Variants in WIPF1 observed in about 807,000 individuals in gnomAD.
WIPF1 encodes WAS/WASL interacting protein family member 1, also known as WAS/WASL-interacting protein family member 1.
In WIPF1, 13 loss-of-function variants were observed where a neutral mutation model predicts 35.4. The observed-to-expected ratio is 0.37, with a 90% confidence interval of 0.24 to 0.58. The LOEUF (loss-of-function observed/expected upper bound fraction) is 0.58. Among genes scored for constraint, WIPF1 ranks in the 20% least tolerant of loss-of-function variants. The pLI is 0.74. For synonymous variants in WIPF1, 267 were observed against 266.3 expected, an observed-to-expected ratio of 1.00 and a Z score of -0.02; for missense variants, 591 against 667.0, an observed-to-expected ratio of 0.89 and a Z score of 1.25.
chr2:174,673,834 A>AAG (rs1452477318), intron 1 of WIPF1: 1 of 151,852 alleles, frequency 6.6e-6, no homozygotes, highest in Non-Finnish European at 1.5e-5. Context: ...TAAAAAAAAA[A>AAG]AAAAAGAGTA....
intron 1 of WIPF1, among the ~76,000 whole-genome samples, chr2:174,662,116 C>T (rs1237328084): frequency 2.0e-5 from 3 of 152,152 alleles, no homozygotes; most frequent in Non-Finnish European, 4.4e-5. Context: ...GTTCAAGTCC[C>T]TTATATGAAA....
rs545532267 is a variant in WIPF1, at chr2:174,562,701, C to T, written c.1457-99G>A. On this transcript the variant is annotated intron_variant, in intron 7 of 7. Coordinates refer to ENST00000679041, the MANE Select transcript of WIPF1 (RefSeq NM_001375834.1). ...TTGCACGGGTACCCACTACCTCATC[C>T]CTATGACCAGGGCTGTCAGCTAACT... is the stretch of plus-strand genomic sequence containing the variant. 9.3e-5 allele frequency: 138 copies of T among 1,487,854 alleles called. 2 individuals are homozygous for T. The South Asian group carries it at 1.6e-3, about 17-fold the overall frequency. 92.2% of individuals were successfully genotyped at this position (1,487,854 alleles called of 1,614,324 possible).
At chr2:174,595,746 A>G (rs1685802801) in intron 1 of WIPF1, among the ~76,000 whole-genome samples, 1 of 152,216 alleles carries the variant, frequency 6.6e-6, no homozygotes, top group African/African-American at 2.4e-5. Context: ...ATTTCTCAGA[A>G]AAGCATACTG....
Position 174,575,088 on chromosome 2 carries a change from A to G in WIPF1, c.358+116T>C, listed in dbSNP as rs1360731116. ...CTCTTATAAAACAGTGGTAATATTT[A>G]AAACAATGTACAATATTTTAATAAG... On this transcript the variant is annotated intron_variant, in intron 4 of 7. Coordinates refer to ENST00000679041, the MANE Select transcript of WIPF1 (RefSeq NM_001375834.1). 4 of 1,162,566 alleles carry G rather than the reference A, an allele frequency of 3.4e-6. No homozygotes were observed. In the East Asian group the frequency reaches 9.3e-5, roughly 27 times the overall value. The allele number at this position is 1,162,566 out of a possible 1,614,324, so 72.0% of individuals were successfully genotyped here. A position where few individuals can be genotyped will look rare whatever the true frequency, so the allele number is the denominator to read the frequency against.
intron 5 of WIPF1, among the ~76,000 whole-genome samples, chr2:174,568,371 C>G (rs776110157): frequency 6.6e-6 from 1 of 152,042 alleles, no homozygotes; most frequent in Non-Finnish European, 1.5e-5. Context: ...TCTGTTTACA[C>G]GGACAACCGT....
rs373043385 is a variant in WIPF1 at position 174,581,391 on chromosome 2, T to C, written c.100A>G (p.Asn34Asp). The change falls in exon 3 of 8, where the codon AAT becomes GAT. Residue 34 changes from asparagine (N) to aspartate (D), a missense_variant. Physicochemically the swap from Asn to Asp is conservative, Grantham distance 23. This residue lies in a region of WIPF1 where 471 missense variants were observed against 501.1 expected (regional missense o/e 0.94). Coordinates refer to ENST00000679041, the MANE Select transcript of WIPF1 (RefSeq NM_001375834.1). ...TTGCTGATATCAGAAAGGAGAGCAT[T>C]TCTCCCAGCCTGCTCTGTCTTATTC... Reference protein sequence around the residue: ...TLNKTEQAGRNALLSDISKGK... With the variant: ...TLNKTEQAGRDALLSDISKGK... 1.3e-5 allele frequency: 21 copies of C among 1,613,980 alleles called. No individual in the cohort carries two copies. The highest frequency in any genetic ancestry group is 1.7e-5 in the Non-Finnish European group (20 of 1,180,008).
At chr2:174,653,756 A>G (rs1484891941) in intron 1 of WIPF1, among the ~76,000 whole-genome samples, 3 of 151,670 alleles carry the variant, frequency 2.0e-5, no homozygotes, top group African/African-American at 4.8e-5. Context: ...AAAAAAAAAA[A>G]AAAAAAGAAA....
intron 1 of WIPF1, among the ~76,000 whole-genome samples, chr2:174,591,935 C>T (rs758158960): frequency 6.6e-6 from 1 of 152,146 alleles, no homozygotes; most frequent in Non-Finnish European, 1.5e-5. Context: ...ACTGCTCAGC[C>T]CACTCCCAAC....
rs1684457700 is a variant in WIPF1, at chr2:174,560,498, T to C, written c.*2049A>G. ...GTCATTAGGCTTTATCATAGGGATGTTTTTCACTGTTGAAATCAGATAAAA... is the reference window on the plus strand; with the variant it reads ...GTCATTAGGCTTTATCATAGGGATGCTTTTCACTGTTGAAATCAGATAAAA... On this transcript the variant is annotated 3_prime_UTR_variant, in exon 8 of 8. Coordinates refer to ENST00000679041, the MANE Select transcript of WIPF1 (RefSeq NM_001375834.1). 6.6e-6 allele frequency: 1 copy of C among 152,610 alleles called. No homozygotes were observed. Among genetic ancestry groups the C allele is most frequent in the Non-Finnish European group, 1.5e-5 (1 of 68,030 alleles). 9.5% of individuals were successfully genotyped at this position (152,610 alleles called of 1,614,324 possible).
At chr2:174,574,696 T>C (rs1311094359) in intron 4 of WIPF1, 1 of 603,948 alleles carries the variant, frequency 1.7e-6, no homozygotes, top group Admixed American at 2.9e-5. Context: ...CAGAGACTCC[T>C]GAGAACCACT....
At chr2:174,635,617 G>GGT (rs1687167165) in intron 1 of WIPF1, among the ~76,000 whole-genome samples, 1 of 149,896 alleles carries the variant, frequency 6.7e-6, no homozygotes, top group Admixed American at 6.7e-5. Flanking sequence ...AGGAAGTGGT[G>GGT]GTGTGTGGGA....
In WIPF1 at chr2:174,572,119, G is replaced by A; in HGVS notation, c.686C>T (p.Ala229Val). 6.2e-7 allele frequency: 1 copy of A among 1,607,104 alleles called. No individual in the cohort carries two copies. Among genetic ancestry groups the A allele is most frequent in the Non-Finnish European group, 8.5e-7 (1 of 1,176,588 alleles). ...CTGACGTATTGAGCCTCCTCCCAAA[G>A]CAGTGCCGCGGTTTCCAGGGAAAGG... Reference protein sequence around the residue: ...PPPFPGNRGTALGGGSIRQSP... With the variant: ...PPPFPGNRGTVLGGGSIRQSP... The change falls in exon 5 of 8, where the codon GCT (alanine) becomes GTT (valine). Residue 229 changes from alanine (A) to valine (V), a missense_variant. Ala to Val is a moderately conservative substitution (Grantham distance 64). Coordinates refer to ENST00000679041, the MANE Select transcript of WIPF1 (RefSeq NM_001375834.1).
chr2:174,613,964 G>A (rs6433497), intron 1 of WIPF1, among the ~76,000 whole-genome samples: 122,638 of 152,172 alleles, frequency 0.81, 49,693 homozygotes, highest in East Asian at 0.99. Context: ...CTCATTTTCA[G>A]ATACACTTAG....
At position 174,560,187 on chromosome 2, in the gene WIPF1, C is replaced by T. The variant is rs1684448660; in HGVS notation, c.*2360G>A. 6.6e-6 allele frequency: 1 copy of T among 152,554 alleles called. No individual in the cohort carries two copies. The highest frequency in any genetic ancestry group is 2.4e-5 in the African/African-American group (1 of 41,432). The allele number at this position is 152,554 out of a possible 1,614,324, so 9.5% of individuals were successfully genotyped here. A position where few individuals can be genotyped will look rare whatever the true frequency, so the allele number is the denominator to read the frequency against. On this transcript the variant is annotated 3_prime_UTR_variant, in exon 8 of 8. Coordinates refer to ENST00000679041, the MANE Select transcript of WIPF1 (RefSeq NM_001375834.1). ...TTAAGATTTTACCACAGAACTTATT[C>T]ATAGTTTTAGATGCAATTAGGTTGC...
chr2:174,600,458 C>T (rs1685966451), upstream of WIPF1, among the ~76,000 whole-genome samples: 1 of 152,242 alleles, frequency 6.6e-6, no homozygotes, highest in African/African-American at 2.4e-5. Context: ...TCTCTGCCTT[C>T]ATCTCAAGTA....
intron 2 of WIPF1, 70 bp from the exon 3 acceptor site, chr2:174,581,509 G>C: frequency 6.4e-7 from 1 of 1,574,662 alleles, no homozygotes; most frequent in Non-Finnish European, 8.6e-7. Flanking sequence ...ACTCGGCTGG[G>C]AAAGGTTGGG....
intron 1 of WIPF1, among the ~76,000 whole-genome samples, chr2:174,593,725 G>A (rs537115385): frequency 6.6e-6 from 1 of 152,322 alleles, no homozygotes; most frequent in South Asian, 2.1e-4. Flanking sequence ...CACAGCTGCA[G>A]TTGCCTGGAG....
chr2:174,634,808 A>G (rs1157735296), intron 1 of WIPF1, among the ~76,000 whole-genome samples: 1 of 152,128 alleles, frequency 6.6e-6, no homozygotes, highest in Non-Finnish European at 1.5e-5. Context: ...GACTCCAGGC[A>G]CTCCTGACTC....
At chr2:174,640,551 A>G (rs920445890) in intron 1 of WIPF1, among the ~76,000 whole-genome samples, 4 of 152,032 alleles carry the variant, frequency 2.6e-5, no homozygotes, top group Non-Finnish European at 1.5e-5. Flanking sequence ...AGAGGACACA[A>G]ATATATGAAA....
Sources: gnomAD v4.1 joint callset for allele counts (sites outside exome capture counted in the v4.1 genomes callset) on GRCh38, gnomAD v4.1.1 for gene constraint, gnomAD v4.1.1 regional missense constraint, MANE v1.5 for transcripts, NCBI Gene and HGNC (gene_info 2026-07-23, HGNC 2026-07-21) for gene names.